RAB11FIP4: variants seen among roughly 807,000 people sequenced by gnomAD.
RAB11FIP4 encodes RAB11 family interacting protein 4, also known as rab11 family-interacting protein 4.
A neutral mutation model predicts 74.3 loss-of-function variants in RAB11FIP4; 23 were observed. That is an observed-to-expected ratio of 0.31 (90% confidence interval 0.22 to 0.44). RAB11FIP4 has a LOEUF of 0.44. Among genes scored for constraint, RAB11FIP4 ranks in the 20% least tolerant of loss-of-function variants. The pLI, the probability that RAB11FIP4 is intolerant of heterozygous loss-of-function variation, is 1.00. For missense variants in RAB11FIP4, 630 were observed against 863.9 expected, an observed-to-expected ratio of 0.73 and a Z score of 3.39; for synonymous variants, 360 against 359.9, an observed-to-expected ratio of 1.00 and a Z score of 0.00.
intron 3 of RAB11FIP4, among the ~76,000 whole-genome samples, chr17:31,514,697 C>T (rs1311384853): frequency 6.6e-6 from 1 of 152,212 alleles, no homozygotes; most frequent in African/African-American, 2.4e-5. Flanking sequence ...TCTTCCTGGC[C>T]AGGTGAAAGA....
intron 3 of RAB11FIP4, among the ~76,000 whole-genome samples, chr17:31,508,205 G>A (rs2343245): frequency 0.63 from 96,393 of 151,958 alleles, 30,674 homozygotes; most frequent in East Asian, 0.69. Flanking sequence ...AGGAGTGAGA[G>A]CGTCTCCCCA....
chr17:31,417,999 G>C (rs178848), intron 1 of RAB11FIP4, among the ~76,000 whole-genome samples: 168 of 152,304 alleles, frequency 1.1e-3, no homozygotes, highest in Non-Finnish European at 1.8e-3. Context: ...GCTGAGTTGG[G>C]AGGATCCCTT....
chr17:31,430,437 A>G (rs545122076), intron 1 of RAB11FIP4, among the ~76,000 whole-genome samples: 1 of 147,592 alleles, frequency 6.8e-6, no homozygotes, highest in Admixed American at 6.9e-5. Context: ...AGCTCAATGC[A>G]ACCTCTGCCT....
intron 3 of RAB11FIP4, among the ~76,000 whole-genome samples, chr17:31,517,108 T>C (rs999158842): frequency 4.0e-5 from 6 of 148,748 alleles, no homozygotes; most frequent in Middle Eastern, 3.5e-3. Context: ...ACCAGCCTGA[T>C]TGGTTGCAGG....
chr17:31,443,523 T>C (rs982484484), intron 3 of RAB11FIP4, among the ~76,000 whole-genome samples: 1 of 152,192 alleles, frequency 6.6e-6, no homozygotes, highest in Non-Finnish European at 1.5e-5. Flanking sequence ...AGTTTGCCTT[T>C]TTCCTGTCAG....
intron 1 of RAB11FIP4, among the ~76,000 whole-genome samples, chr17:31,400,387 G>A (rs938593097): frequency 6.6e-5 from 10 of 152,228 alleles, no homozygotes; most frequent in Non-Finnish European, 1.0e-4. Context: ...CAGTGAGCCC[G>A]AAGACAAGGG....
intron 6 of RAB11FIP4, 49 bp downstream of exon 6, chr17:31,522,098 G>A (rs1471403537): frequency 1.2e-6 from 2 of 1,605,542 alleles, no homozygotes; most frequent in East Asian, 4.5e-5. Context: ...GGCCAGGGCA[G>A]GGCCTGGAGG....
intron 3 of RAB11FIP4, among the ~76,000 whole-genome samples, chr17:31,493,917 G>A (rs1459301490): frequency 6.6e-6 from 1 of 152,108 alleles, no homozygotes; most frequent in Admixed American, 6.5e-5. Context: ...ATGTGTGTGT[G>A]CACACACGTG....
intron 3 of RAB11FIP4, among the ~76,000 whole-genome samples, chr17:31,497,983 TG>T (rs2072148566): frequency 6.6e-6 from 1 of 152,118 alleles, no homozygotes; most frequent in Non-Finnish European, 1.5e-5. Context: ...AAGCAGCATG[TG>T]CTGAGGCATT....
chr17:31,459,717 G>A (rs571135682), intron 3 of RAB11FIP4, among the ~76,000 whole-genome samples: 7 of 152,040 alleles, frequency 4.6e-5, no homozygotes, highest in South Asian at 2.1e-4. Flanking sequence ...GACACAGCTC[G>A]GCTGCCACCC....
At chr17:31,456,267 G>T (rs577941022) in intron 3 of RAB11FIP4, among the ~76,000 whole-genome samples, 1 of 149,348 alleles carries the variant, frequency 6.7e-6, no homozygotes, top group East Asian at 2.0e-4. Flanking sequence ...ACCCAGGCTG[G>T]AGTGCAGTGG....
chr17:31,418,214 C>T (rs1305068008), intron 1 of RAB11FIP4, among the ~76,000 whole-genome samples: 1 of 152,124 alleles, frequency 6.6e-6, no homozygotes, highest in African/African-American at 2.4e-5. Context: ...ATGGTGAAAC[C>T]TCGTCTCTAC....
At chr17:31,517,100 C>A (rs2072565734) in intron 3 of RAB11FIP4, among the ~76,000 whole-genome samples, 1 of 150,480 alleles carries the variant, frequency 6.6e-6, no homozygotes, top group African/African-American at 2.5e-5. Context: ...AGCCTGTGAC[C>A]AGCCTGATTG....
chr17:31,391,904 G>C lies in RAB11FIP4; in HGVS notation c.52G>C (p.Val18Leu). ...SGAPAALLRSVRRLREVFEVC... is the reference protein window; with the variant it reads ...SGAPAALLRSLRRLREVFEVC... ...CGCCCCCGCGGCTCTGCTGCGCTCCGTGCGCCGCCTGCGCGAGGTGTTCGA... is the reference window on the plus strand; with the variant it reads ...CGCCCCCGCGGCTCTGCTGCGCTCCCTGCGCCGCCTGCGCGAGGTGTTCGA... Residue 18 changes from valine to leucine, a missense_variant, in exon 1 of 15, where the codon GTG becomes CTG. Physicochemically the swap from Val to Leu is conservative, Grantham distance 32 (BLOSUM62 1). Coordinates refer to ENST00000621161, the MANE Select transcript of RAB11FIP4 (RefSeq NM_032932.6). 7.5e-7 allele frequency: 1 copy of C among 1,326,954 alleles called. No homozygotes were observed. Among genetic ancestry groups the C allele is most frequent in the Non-Finnish European group, 9.7e-7 (1 of 1,034,844 alleles). The allele number at this position is 1,326,954 out of a possible 1,614,324, so 82.2% of individuals were successfully genotyped here.
At chr17:31,402,800 T>C (rs1253570872) in intron 1 of RAB11FIP4, among the ~76,000 whole-genome samples, 10 of 151,274 alleles carry the variant, frequency 6.6e-5, no homozygotes, top group Non-Finnish European at 1.3e-4. Flanking sequence ...TTTTTTTTTG[T>C]ATTTTTAGTA....
chr17:31,437,607 C>A (rs1475704137), intron 3 of RAB11FIP4, among the ~76,000 whole-genome samples: 1 of 152,140 alleles, frequency 6.6e-6, no homozygotes, highest in East Asian at 1.9e-4. Flanking sequence ...CTGTGCCATG[C>A]GTGTATGTTG....
intron 3 of RAB11FIP4, among the ~76,000 whole-genome samples, chr17:31,447,109 C>T (rs1285861053): frequency 6.6e-6 from 1 of 152,202 alleles, no homozygotes; most frequent in Non-Finnish European, 1.5e-5. Context: ...ACGGTGAAAC[C>T]CCGTCTCCAC....
chr17:31,473,020 A>G (rs1339399650), intron 3 of RAB11FIP4, among the ~76,000 whole-genome samples: 1 of 151,706 alleles, frequency 6.6e-6, no homozygotes, highest in Non-Finnish European at 1.5e-5. Context: ...GCAACAGAGC[A>G]AGACTCGTCT....
chr17:31,392,421 G>A (rs140529657), intron 1 of RAB11FIP4: 2 of 155,522 alleles, frequency 1.3e-5, no homozygotes, highest in African/African-American at 4.8e-5. Context: ...GCCGGGCCAG[G>A]GGGTGAAAGG....
Sources: allele counts gnomAD v4.1 joint callset (sites outside exome capture counted in the v4.1 genomes callset), GRCh38; gene constraint gnomAD v4.1.1; transcripts MANE v1.5; gene names NCBI Gene and HGNC (gene_info 2026-07-23, HGNC 2026-07-21).